The following SGCE variants were observed in gnomAD, a reference collection of about 807,000 sequenced individuals.
SGCE encodes the protein sarcoglycan epsilon, also known as epsilon-sarcoglycan.
SGCE carries 26 observed loss-of-function variants against 57.8 expected under a neutral mutation model. The observed-to-expected ratio is 0.45, with a 90% confidence interval of 0.33 to 0.62. The LOEUF (loss-of-function observed/expected upper bound fraction) is 0.62, where lower values mean the gene tolerates loss of function less well. Among genes scored for constraint, SGCE ranks in the 20% least tolerant of loss-of-function variants. The probability of loss-of-function intolerance (pLI) is 0.02; values close to 1 mark genes in which losing one functional copy is unlikely to be tolerated. For missense variants in SGCE, 468 were observed against 548.6 expected (o/e 0.85, Z 1.47); for synonymous variants, 183 against 189.5 (o/e 0.97, Z 0.28).
chr7:94,604,851 A>ATATATATT (rs1799847910), intron 5 of SGCE, among the ~76,000 whole-genome samples: 1 of 102,510 alleles, frequency 9.8e-6, no homozygotes, highest in East Asian at 3.1e-4. Flanking sequence ...ATATATATAT[A>ATATATATT]TATATATAAT....
intron 1 of SGCE, among the ~76,000 whole-genome samples, chr7:94,636,624 A>T (rs1417155384): frequency 6.6e-6 from 1 of 152,194 alleles, no homozygotes; most frequent in Non-Finnish European, 1.5e-5. Context: ...AAAAGAAGAG[A>T]TTCCATAGTC....
intron 2 of SGCE, chr7:94,629,197 C>T (rs1804255707): frequency 6.6e-6 from 1 of 152,374 alleles, no homozygotes; most frequent in South Asian, 2.1e-4. Context: ...CTCAAAATAA[C>T]ATATTTAAAC....
chr7:94,624,408 T>C, intron 3 of SGCE: 1 of 392,202 alleles, frequency 2.5e-6, no homozygotes, highest in Non-Finnish European at 4.5e-6. Context: ...TTGAAATAAA[T>C]AATTTTAAAC....
intron 4 of SGCE, chr7:94,619,196 G>T: frequency 2.4e-6 from 1 of 417,922 alleles, no homozygotes; most frequent in Non-Finnish European, 4.3e-6. Flanking sequence ...GGCTCATCAG[G>T]GCAATTTATA....
At chr7:94,633,418 T>C (rs563789442) in intron 1 of SGCE, among the ~76,000 whole-genome samples, 2 of 152,252 alleles carry the variant, frequency 1.3e-5, no homozygotes, top group East Asian at 3.9e-4. Flanking sequence ...CAAAGGGTTA[T>C]GTAAGCAAGT....
rs534937957 is a variant in SGCE, at chr7:94,628,047, C to G, written c.390+155G>C. 1.6e-4 allele frequency: 96 copies of G among 586,112 alleles called. 1 individual carries two copies. The South Asian group carries it at 2.1e-3, about 13-fold the overall frequency. 36.3% of individuals were successfully genotyped at this position (586,112 alleles called of 1,614,324 possible). A position where few individuals can be genotyped will look rare whatever the true frequency, so the allele number is the denominator to read the frequency against. ...ATAAACAGAGAAGAATGGCACATTTCCAAATGTTATCTACTGTGTTTCCAT... is the reference window on the plus strand; with the variant it reads ...ATAAACAGAGAAGAATGGCACATTTGCAAATGTTATCTACTGTGTTTCCAT... On this transcript the variant is annotated intron_variant, in intron 3 of 10. Transcript: ENST00000648936.
At chr7:94,625,800 CT>C (rs1803629870) in intron 3 of SGCE, 1 of 151,914 alleles carries the variant, frequency 6.6e-6, no homozygotes, top group Non-Finnish European at 1.5e-5. Context: ...ACTTTTGGGT[CT>C]CTATTGTTTT....
At chr7:94,606,009 G>A (rs773835691) in intron 5 of SGCE, among the ~76,000 whole-genome samples, 2 of 151,626 alleles carry the variant, frequency 1.3e-5, no homozygotes, top group Admixed American at 6.6e-5. Context: ...TTGTATTTTC[G>A]GTAGAGATGG....
At chr7:94,617,201 T>C (rs1057086808) in intron 5 of SGCE, 4 of 152,228 alleles carry the variant, frequency 2.6e-5, no homozygotes, top group African/African-American at 7.2e-5. Flanking sequence ...AATGTTCTAT[T>C]GGCAATTTTC....
intron 5 of SGCE, among the ~76,000 whole-genome samples, chr7:94,604,550 A>G (rs1285754375): frequency 6.6e-6 from 1 of 151,286 alleles, no homozygotes; most frequent in Non-Finnish European, 1.5e-5. Flanking sequence ...AGACAGATCA[A>G]TGGAATAGAA....
chr7:94,647,884 G>A (rs1209027811), intron 1 of SGCE, among the ~76,000 whole-genome samples: 1 of 152,014 alleles, frequency 6.6e-6, no homozygotes, highest in African/African-American at 2.4e-5. Context: ...GTTCTAGTCA[G>A]GTTCATAGCA....
chr7:94,655,003 T>C (rs930581784), intron 1 of SGCE, among the ~76,000 whole-genome samples: 5 of 152,232 alleles, frequency 3.3e-5, no homozygotes, highest in Non-Finnish European at 7.3e-5. Context: ...ATCAGAATTT[T>C]AGCGTCTTAT....
rs762287154 is a variant in SGCE at position 94,600,778 on chromosome 7, T to A, written c.905A>T (p.Lys302Ile). 3.0e-5 allele frequency: 48 copies of A among 1,613,516 alleles called. 1 individual carries two copies. In the African/African-American group the frequency reaches 4.0e-4, roughly 13 times the overall value. ...GCTTTTCAAAGAATCAGAAGGGGGTTTGTATTCTCCACCATCAGGTAAAAT... is the reference window on the plus strand; with the variant it reads ...GCTTTTCAAAGAATCAGAAGGGGGTATGTATTCTCCACCATCAGGTAAAAT... ...EGILPDGGEY[K>I]PPSDSLKSRD... Residue 302 changes from lysine to isoleucine, a missense_variant, in exon 7 of 11, where the codon AAA becomes ATA. Transcript: ENST00000648936.
intron 1 of SGCE, among the ~76,000 whole-genome samples, chr7:94,645,703 T>G (rs147177471): frequency 1.3e-5 from 2 of 152,308 alleles, no homozygotes; most frequent in East Asian, 3.9e-4. Context: ...TCATCTGGAA[T>G]AGAATAGTAC....
At chr7:94,604,532 G>T (rs962900007) in intron 5 of SGCE, among the ~76,000 whole-genome samples, 6 of 151,560 alleles carry the variant, frequency 4.0e-5, no homozygotes, top group Non-Finnish European at 8.8e-5. Context: ...ACGGGCATAG[G>T]AACAGACAGA....
Position 94,585,064 on chromosome 7 carries a change from G to A in SGCE, c.*435C>T, listed in dbSNP as rs929073969. On this transcript the variant is annotated 3_prime_UTR_variant, in exon 11 of 11. Transcript: ENST00000648936. ...AAGAGTTAAAGTATTATTTAAATGGGTTGCTCAACTGGAACACGGAGGCAC... is the reference window on the plus strand; with the variant it reads ...AAGAGTTAAAGTATTATTTAAATGGATTGCTCAACTGGAACACGGAGGCAC... The A allele has an allele frequency of 1.9e-5, 3 of 161,248 alleles. No homozygotes were observed. The highest frequency in any genetic ancestry group is 4.8e-5 in the African/African-American group (2 of 41,728). 10.0% of individuals were successfully genotyped at this position (161,248 alleles called of 1,614,324 possible).
At chr7:94,601,443 CAAA>C (rs71123905) in intron 6 of SGCE, among the ~76,000 whole-genome samples, 1,170 of 88,268 alleles carry the variant, frequency 0.013, no homozygotes, top group Non-Finnish European at 0.015. Context: ...ATCCCAGTAT[CAAA>C]AAAAAAAAAA....
At chr7:94,633,287 A>G (rs1334340417) in intron 1 of SGCE, among the ~76,000 whole-genome samples, 1 of 152,090 alleles carries the variant, frequency 6.6e-6, no homozygotes, top group East Asian at 1.9e-4. Flanking sequence ...CAAGAGGTCA[A>G]AAATATCATC....
At chr7:94,599,552 AT>A in intron 8 of SGCE, 144 bp downstream of exon 8, 1 of 712,726 alleles carries the variant, frequency 1.4e-6, no homozygotes, top group Non-Finnish European at 2.5e-6. Context: ...AAATATCTCT[AT>A]TTAGAAAGCA....
Sources: allele counts gnomAD v4.1 joint callset (sites outside exome capture counted in the v4.1 genomes callset), GRCh38; gene constraint gnomAD v4.1.1; transcripts MANE v1.5; gene names NCBI Gene and HGNC (gene_info 2026-07-23, HGNC 2026-07-21).